Variants in SLC29A4 observed in about 807,000 individuals in gnomAD.
The protein encoded by SLC29A4 is equilibrative nucleoside transporter 4.
A neutral mutation model predicts 43.9 loss-of-function variants in SLC29A4; 36 were observed. The ratio of observed to expected loss-of-function variants is 0.82; its 90% CI spans 0.63 to 1.08. The LOEUF is 1.08. Among genes scored for constraint, SLC29A4 ranks in the 50% least tolerant of loss-of-function variants. The probability of loss-of-function intolerance (pLI) is 0.00; values close to 1 mark genes in which losing one functional copy is unlikely to be tolerated. For synonymous variants in SLC29A4, 491 were observed against 338.0 expected, an observed-to-expected ratio of 1.45 and a Z score of -4.97; for missense variants, 869 against 755.3, an observed-to-expected ratio of 1.15 and a Z score of -1.77.
Position 5,287,838 on chromosome 7 carries a change from C to G in SLC29A4, c.22C>G (p.Arg8Gly). 1 of 1,611,476 alleles carries G rather than the reference C, an allele frequency of 6.2e-7. No homozygotes were observed. Among genetic ancestry groups the G allele is most frequent in the East Asian group, 2.2e-5 (1 of 44,872 alleles). The change falls in exon 2 of 11, where the codon CGC becomes GGC. Residue 8 changes from arginine to glycine, a missense_variant. Arg to Gly is a moderately radical substitution (Grantham distance 125). Transcript: ENST00000396872. ...TGCCATGGGCTCCGTGGGGAGCCAG[C>G]GCCTTGAGGAGCCCAGCGTGGCAGG... MGSVGSQ[R>G]LEEPSVAGTP... is the part of the protein sequence containing the mutation.
chr7:5,291,363 C>T (rs2128088152), intron 4 of SLC29A4, 126 bp downstream of exon 4: 1 of 951,902 alleles, frequency 1.1e-6, no homozygotes, highest in Non-Finnish European at 1.6e-6. Context: ...CTTCCTAGGG[C>T]TGCCCTGAGG....
At chr7:5,294,170 G>C (rs912540470) in intron 5 of SLC29A4, among the ~76,000 whole-genome samples, 2 of 151,936 alleles carry the variant, frequency 1.3e-5, no homozygotes, top group Non-Finnish European at 2.9e-5. Context: ...TGAACTCCTA[G>C]ACTCAAGCAA....
intron 2 of SLC29A4, among the ~76,000 whole-genome samples, chr7:5,288,342 G>A (rs1187356108): frequency 2.6e-5 from 3 of 113,226 alleles, no homozygotes; most frequent in Non-Finnish European, 4.9e-5. Flanking sequence ...GTCTCACTCT[G>A]TCACCCGGCT....
intron 5 of SLC29A4, among the ~76,000 whole-genome samples, chr7:5,294,342 C>G (rs1335310634): frequency 6.6e-6 from 1 of 152,160 alleles, no homozygotes; most frequent in Non-Finnish European, 1.5e-5. Flanking sequence ...TCTATTTTCC[C>G]TAGATCCTGA....
At chr7:5,298,749 G>T (rs1375211648) in intron 7 of SLC29A4, among the ~76,000 whole-genome samples, 3 of 152,172 alleles carry the variant, frequency 2.0e-5, no homozygotes, top group Admixed American at 2.0e-4. Context: ...GCAGTGAGCT[G>T]TGACTGCACC....
chr7:5,283,211 C>T (rs1244330827), intron 1 of SLC29A4, 129 bp downstream of exon 1: 1 of 150,672 alleles, frequency 6.6e-6, no homozygotes, highest in Non-Finnish European at 1.5e-5. Context: ...CAGCCCGCCC[C>T]TGTCCCGGGA....
At chr7:5,300,156 C>G (rs762893651) in intron 9 of SLC29A4, among the ~76,000 whole-genome samples, 1 of 152,140 alleles carries the variant, frequency 6.6e-6, no homozygotes, top group Non-Finnish European at 1.5e-5. Context: ...GGCTTGAGCC[C>G]GGGAGTTTGA....
chr7:5,302,013 C>G (rs1419264854), intron 10 of SLC29A4, among the ~76,000 whole-genome samples: 1 of 152,038 alleles, frequency 6.6e-6, no homozygotes, highest in Non-Finnish European at 1.5e-5. Flanking sequence ...TGCAGTGGCA[C>G]GATCTCAGCT....
In SLC29A4 at chr7:5,287,811, G is replaced by A. The variant is rs748090137; in HGVS notation, c.-6G>A. Reference sequence around the variant, plus strand: ...TCTCTCTGCTTTCTCCAAAGCAGAGGCTGCCATGGGCTCCGTGGGGAGCCA... The same window carrying A: ...TCTCTCTGCTTTCTCCAAAGCAGAGACTGCCATGGGCTCCGTGGGGAGCCA... On this transcript the variant is annotated splice_region_variant and 5_prime_UTR_variant, in exon 2 of 11. Transcript: ENST00000396872. 10 of 1,610,038 alleles carry A rather than the reference G, an allele frequency of 6.2e-6. No homozygotes were observed. Among genetic ancestry groups the A allele is most frequent in the Non-Finnish European group, 7.6e-6 (9 of 1,179,464 alleles).
intron 2 of SLC29A4, among the ~76,000 whole-genome samples, chr7:5,290,372 A>AT (rs1192920160): frequency 6.6e-6 from 1 of 150,780 alleles, no homozygotes; most frequent in Non-Finnish European, 1.5e-5. Context: ...CATTTTTTGT[A>AT]TTTTAGTAGA....
chr7:5,289,866 TCTC>T (rs777936590), intron 2 of SLC29A4, among the ~76,000 whole-genome samples: 3 of 151,916 alleles, frequency 2.0e-5, no homozygotes, highest in Non-Finnish European at 2.9e-5. Flanking sequence ...TGTTCACTCT[TCTC>T]CTTCCATATC....
chr7:5,286,015 AAAAAAC>A (rs894684409), intron 1 of SLC29A4, among the ~76,000 whole-genome samples: 8 of 151,738 alleles, frequency 5.3e-5, no homozygotes, highest in African/African-American at 1.9e-4. Context: ...GTCTCAGAAA[AAAAAAC>A]AAAAAACAAA....
At position 5,305,069 on chromosome 7, in the gene SLC29A4, G is replaced by GCCT. The variant is rs1786414808; in HGVS notation, c.*2133_*2135dup. 6.6e-6 allele frequency: 1 copy of GCCT among 152,230 alleles called. No homozygotes were observed. Among genetic ancestry groups the GCCT allele is most frequent in the South Asian group, 2.1e-4 (1 of 4,822 alleles). The allele number at this position is 152,230 out of a possible 1,614,324, so 9.4% of individuals were successfully genotyped here. On this transcript the variant is annotated 3_prime_UTR_variant, in exon 11 of 11. Coordinates refer to ENST00000396872, the MANE Select transcript of SLC29A4 (RefSeq NM_153247.4). ...GGCCTCAAGTGTTCCCCCTGCCTTG[G>GCCT]CCTCCCAAAGTGCCAGGATTACAGG...
intron 6 of SLC29A4, among the ~76,000 whole-genome samples, chr7:5,295,305 C>A (rs1785575185): frequency 6.6e-6 from 1 of 152,082 alleles, no homozygotes; most frequent in Non-Finnish European, 1.5e-5. Context: ...GCACATCACA[C>A]CATGCCTACA....
intron 6 of SLC29A4, 22 bp downstream of exon 6, chr7:5,294,956 G>C (rs369720087): frequency 3.5e-5 from 55 of 1,591,668 alleles, no homozygotes; most frequent in Non-Finnish European, 4.7e-5. Context: ...CAGACCCCCC[G>C]GGGAGGGGGT....
At chr7:5,300,828 T>A (rs1224403477) in intron 10 of SLC29A4, among the ~76,000 whole-genome samples, 166 bp downstream of exon 10, 2 of 152,216 alleles carry the variant, frequency 1.3e-5, no homozygotes, top group African/African-American at 4.8e-5. Flanking sequence ...AGCCACTTCA[T>A]TCACTCATTT....
rs141153353 is a variant in SLC29A4, at chr7:5,298,431, T to C, written c.883-557T>C. ...AGAGGTCATAGGGGACCAGATGCTC[T>C]GGTTGGTTTGGTCAGAGGCTGGTAG... On this transcript the variant is annotated intron_variant, in intron 7 of 10. Coordinates refer to ENST00000396872, the MANE Select transcript of SLC29A4 (RefSeq NM_153247.4). Among the ~76,000 whole-genome samples, 594 of 152,176 alleles carry C rather than the reference T, an allele frequency of 3.9e-3. 7 individuals are homozygous for C. The highest frequency in any genetic ancestry group is 0.013 in the African/African-American group (554 of 41,518).
In SLC29A4 at chr7:5,304,309, C is replaced by CCCA. The variant is rs1554264393; in HGVS notation, c.*1370_*1371insCCA. 2.0e-5 allele frequency: 3 copies of CCCA among 150,540 alleles called. No individual in the cohort carries two copies. Among genetic ancestry groups the CCCA allele is most frequent in the Admixed American group, 6.6e-5 (1 of 15,096 alleles). The allele number at this position is 150,540 out of a possible 1,614,324, so 9.3% of individuals were successfully genotyped here. Reference sequence around the variant, plus strand: ...GCTCACCTTGACCGCCCGCCCCCCCCACCCCTTCGTGAGGATCAGGGAGGA... The same window carrying CCCA: ...GCTCACCTTGACCGCCCGCCCCCCCCCCAACCCCTTCGTGAGGATCAGGGAGGA... On this transcript the variant is annotated 3_prime_UTR_variant, in exon 11 of 11. Transcript: ENST00000396872.
rs1310812834 is a variant in SLC29A4, at chr7:5,306,892, A to ATAAT, written c.*3955_*3958dup. ...AAAAGAAACATAAAAAAAAAAACCAATAATTCCCCCAAAAAACAAACCCAA... is the reference window on the plus strand; with the variant it reads ...AAAAGAAACATAAAAAAAAAAACCAATAATTAATTCCCCCAAAAAACAAACCCAA... On this transcript the variant is annotated 3_prime_UTR_variant, in exon 11 of 11. Transcript: ENST00000396872. 5 of 148,840 alleles carry ATAAT rather than the reference A, an allele frequency of 3.4e-5. No individual in the cohort carries two copies. The East Asian group carries it at 5.8e-4, about 17-fold the overall frequency. 9.2% of individuals were successfully genotyped at this position (148,840 alleles called of 1,614,324 possible).
Sources: allele counts gnomAD v4.1 joint callset (sites outside exome capture counted in the v4.1 genomes callset), GRCh38; gene constraint gnomAD v4.1.1; transcripts MANE v1.5; gene names NCBI Gene and HGNC (gene_info 2026-07-23, HGNC 2026-07-21).